The following ADGRB3 variants were observed in gnomAD, a reference collection of about 807,000 sequenced individuals.
The protein encoded by ADGRB3 is adhesion G protein-coupled receptor B3.
A neutral mutation model predicts 193.4 loss-of-function variants in ADGRB3; 37 were observed. The observed-to-expected ratio is 0.19, with a 90% CI of 0.15 to 0.25. The LOEUF is 0.25. ADGRB3 is among the 10% of genes least tolerant of loss of function. The probability of loss-of-function intolerance (pLI) is 1.00; values close to 1 mark genes in which losing one functional copy is unlikely to be tolerated. For synonymous variants in ADGRB3, 690 were observed against 644.2 expected (o/e 1.07, Z -1.08); for missense variants, 1,637 against 1,852.9 (o/e 0.88, Z 2.14).
At chr6:68,754,675 A>T (rs965585371) in intron 3 of ADGRB3, among the ~76,000 whole-genome samples, 1 of 152,104 alleles carries the variant, frequency 6.6e-6, no homozygotes, top group African/African-American at 2.4e-5. Flanking sequence ...CTAAGTCTAG[A>T]TGGGACTCCC....
chr6:69,264,897 A>G (rs963717978), intron 20 of ADGRB3, among the ~76,000 whole-genome samples: 2 of 151,944 alleles, frequency 1.3e-5, no homozygotes, highest in Non-Finnish European at 2.9e-5. Context: ...AGTCTGAGTC[A>G]TTGTTCAAGA....
At chr6:69,313,481 G>A (rs1345104181) in intron 20 of ADGRB3, among the ~76,000 whole-genome samples, 2 of 151,804 alleles carry the variant, frequency 1.3e-5, no homozygotes, top group Non-Finnish European at 2.9e-5. Flanking sequence ...AGTTATACAA[G>A]AAATATTTTC....
intron 3 of ADGRB3, among the ~76,000 whole-genome samples, chr6:68,774,422 G>A (rs898078419): frequency 8.0e-4 from 117 of 146,406 alleles, no homozygotes; most frequent in African/African-American, 2.6e-3. Flanking sequence ...AAGTTTTCAC[G>A]GTATTTTCTA....
rs376940449 is a variant in ADGRB3, at chr6:69,146,802, C to T, written c.2480+70764C>T. ...TTATTGCTGGAAGACTTTTTACTAT[C>T]GCTTCAATCTCATTACTTCTTTTTT... On this transcript the variant is annotated intron_variant, in intron 17 of 31. Transcript: ENST00000370598. 7.9e-4 allele frequency among the ~76,000 whole-genome samples: 115 copies of T among 145,128 alleles called. 1 individual carries two copies. In the South Asian group the frequency reaches 0.018, roughly 23 times the overall value.
chr6:69,225,552 T>C (rs1765992321), intron 17 of ADGRB3, among the ~76,000 whole-genome samples: 1 of 152,182 alleles, frequency 6.6e-6, no homozygotes. Context: ...GTAGATGTCC[T>C]TAGGAAAGTC....
rs1276741891 is a variant in ADGRB3, at chr6:69,169,178, T to C, written c.2481-64112T>C. 5.3e-5 allele frequency among the ~76,000 whole-genome samples: 8 copies of C among 152,130 alleles called. No individual in the cohort carries two copies. In the South Asian group the frequency reaches 8.3e-4, roughly 16 times the overall value. ...TTGAAGAGAGAGAAACTATATCACA[T>C]TGACAGATGGATTGGGAAACAAATG... On this transcript the variant is annotated intron_variant, in intron 17 of 31. Transcript: ENST00000370598.
chr6:69,255,321 C>A (rs1041091646), intron 20 of ADGRB3, among the ~76,000 whole-genome samples: 1 of 152,152 alleles, frequency 6.6e-6, no homozygotes, highest in Non-Finnish European at 1.5e-5. Flanking sequence ...TACAGTCCCA[C>A]CAACAGTGTA....
At chr6:69,098,963 A>C (rs28575161) in intron 17 of ADGRB3, among the ~76,000 whole-genome samples, 1,864 of 152,318 alleles carry the variant, frequency 0.012, 23 homozygotes, top group Non-Finnish European at 0.017. Context: ...GAAGTTCTTA[A>C]TTCTTAGTTA....
At chr6:69,273,073 G>T (rs1767215796) in intron 20 of ADGRB3, among the ~76,000 whole-genome samples, 1 of 152,080 alleles carries the variant, frequency 6.6e-6, no homozygotes, top group Admixed American at 6.6e-5. Context: ...GCTAATTTTT[G>T]TAATTTTAGT....
chr6:69,199,071 C>G (rs1765360153), intron 17 of ADGRB3, among the ~76,000 whole-genome samples: 1 of 152,084 alleles, frequency 6.6e-6, no homozygotes, highest in Admixed American at 6.6e-5. Flanking sequence ...CAGAAATACA[C>G]CAGATGATGA....
At chr6:69,027,013 T>TA (rs1232180957) in intron 13 of ADGRB3, among the ~76,000 whole-genome samples, 4 of 152,020 alleles carry the variant, frequency 2.6e-5, no homozygotes, top group Non-Finnish European at 4.4e-5. Context: ...CTAAATTTAT[T>TA]AAAAAAATAT....
At chr6:68,944,684 G>C (rs1199715298) in intron 6 of ADGRB3, among the ~76,000 whole-genome samples, 1 of 151,902 alleles carries the variant, frequency 6.6e-6, no homozygotes, top group Non-Finnish European at 1.5e-5. Context: ...CTGTCATTTA[G>C]TTTATTCCAA....
In ADGRB3 at chr6:68,637,495, A is replaced by G. The variant is rs1767984940; in HGVS notation, c.-83A>G. 1.3e-5 allele frequency: 2 copies of G among 152,672 alleles called. No individual in the cohort carries two copies. The highest frequency in any genetic ancestry group is 1.3e-4 in the Admixed American group (2 of 15,286). The allele number at this position is 152,672 out of a possible 1,614,324, so 9.5% of individuals were successfully genotyped here. A position where few individuals can be genotyped will look rare whatever the true frequency, so the allele number is the denominator to read the frequency against. ...AAACAAAAGCAGTGTCATTTATTCT[A>G]AGAAATAACTTCTTAAAGGTTAAAG... On this transcript the variant is annotated 5_prime_UTR_variant, in exon 2 of 32. Coordinates refer to ENST00000370598, the MANE Select transcript of ADGRB3 (RefSeq NM_001704.3).
chr6:69,068,059 C>T (rs1052750628), intron 16 of ADGRB3, among the ~76,000 whole-genome samples: 1 of 152,020 alleles, frequency 6.6e-6, no homozygotes, highest in African/African-American at 2.4e-5. Flanking sequence ...ACAATATGAA[C>T]CGATAGGTGT....
At chr6:68,837,430 A>T (rs1392208867) in intron 3 of ADGRB3, among the ~76,000 whole-genome samples, 1 of 152,192 alleles carries the variant, frequency 6.6e-6, no homozygotes, top group Non-Finnish European at 1.5e-5. Flanking sequence ...TATAATTGTT[A>T]TTTGTGCAAC....
chr6:69,049,080 A>G (rs778382755), intron 14 of ADGRB3, among the ~76,000 whole-genome samples, 191 bp from the exon 15 acceptor site: 1 of 152,144 alleles, frequency 6.6e-6, no homozygotes, highest in Non-Finnish European at 1.5e-5. Flanking sequence ...TTCCTTCGTG[A>G]TGCAAAACTA....
intron 3 of ADGRB3, among the ~76,000 whole-genome samples, chr6:68,661,113 G>C (rs1054490075): frequency 6.7e-6 from 1 of 149,720 alleles, no homozygotes; most frequent in Non-Finnish European, 1.5e-5. Flanking sequence ...AGTGCCTCTA[G>C]GTATAGTATT....
Position 69,360,795 on chromosome 6 carries a change from A to T in ADGRB3, c.3596-74A>T, listed in dbSNP as rs955518255. ...TATCTTTAATGTTTAGTAGAAAGCG[A>T]GACAACATAATATAATAATGAAAAA... On this transcript the variant is annotated intron_variant, in intron 28 of 31. Transcript: ENST00000370598. 3.5e-6 allele frequency: 5 copies of T among 1,411,618 alleles called. No individual in the cohort carries two copies. The African/African-American group carries it at 7.2e-5, about 20-fold the overall frequency. 87.4% of individuals were successfully genotyped at this position (1,411,618 alleles called of 1,614,324 possible). A position where few individuals can be genotyped will look rare whatever the true frequency, so the allele number is the denominator to read the frequency against.
chr6:68,888,267 T>C (rs889810087), intron 3 of ADGRB3, among the ~76,000 whole-genome samples: 1 of 152,066 alleles, frequency 6.6e-6, no homozygotes, highest in African/African-American at 2.4e-5. Context: ...ATGACAACAG[T>C]GACTTATTAA....
Sources: gnomAD v4.1 joint callset for allele counts (sites outside exome capture counted in the v4.1 genomes callset) on GRCh38, gnomAD v4.1.1 for gene constraint, MANE v1.5 for transcripts, NCBI Gene and HGNC (gene_info 2026-07-23, HGNC 2026-07-21) for gene names.